The following GRK3 variants were observed in gnomAD, a reference collection of about 807,000 sequenced individuals.
The protein encoded by GRK3 is adrenergic, beta, receptor kinase 2.
A neutral mutation model predicts 95.7 loss-of-function variants in GRK3; 54 were observed. The ratio of observed to expected loss-of-function variants is 0.56; its 90% CI spans 0.45 to 0.71. The LOEUF is 0.71. Among genes scored for constraint, GRK3 ranks in the 30% least tolerant of loss-of-function variants. The pLI is 0.00. For synonymous variants in GRK3, 281 were observed against 290.8 expected, an observed-to-expected ratio of 0.97 and a Z score of 0.34; for missense variants, 649 against 851.2, an observed-to-expected ratio of 0.76 and a Z score of 2.96.
At chr22:25,711,799 C>CG (rs2085346134) in intron 17 of GRK3, among the ~76,000 whole-genome samples, 2 of 152,174 alleles carry the variant, frequency 1.3e-5, no homozygotes, top group African/African-American at 4.8e-5. Flanking sequence ...CCCCTGCCCC[C>CG]GGGCCTTCCC....
At chr22:25,668,670 G>A (rs973907439) in intron 6 of GRK3, among the ~76,000 whole-genome samples, 1 of 152,158 alleles carries the variant, frequency 6.6e-6, no homozygotes, top group Non-Finnish European at 1.5e-5. Flanking sequence ...GCCAAAAAGC[G>A]CCAGCATCAA....
rs371653971 is a variant in GRK3, at chr22:25,667,815, G to C, written c.503+15G>C. On this transcript the variant is annotated intron_variant, in intron 6 of 20. Coordinates refer to ENST00000324198, the MANE Select transcript of GRK3 (RefSeq NM_005160.4). ...TTTATGGAAAGGTATGAAACTTTAT[G>C]CATATATATACACAATTTTTTATCA... The C allele has an allele frequency of 6.6e-7, 1 of 1,525,880 alleles. No homozygotes were observed. Among genetic ancestry groups the C allele is most frequent in the Non-Finnish European group, 9.1e-7 (1 of 1,100,664 alleles). The allele number at this position is 1,525,880 out of a possible 1,614,324, so 94.5% of individuals were successfully genotyped here.
chr22:25,567,762 TC>T (rs1477800595), intron 1 of GRK3, among the ~76,000 whole-genome samples: 1 of 152,250 alleles, frequency 6.6e-6, no homozygotes, highest in Non-Finnish European at 1.5e-5. Flanking sequence ...CAGTCACTAT[TC>T]TTTGTGCTTC....
chr22:25,627,710 AGT>A (rs2084637775), intron 2 of GRK3, among the ~76,000 whole-genome samples: 1 of 152,258 alleles, frequency 6.6e-6, no homozygotes, highest in Non-Finnish European at 1.5e-5. Context: ...CCCACAGCCT[AGT>A]CAGGGAGACA....
Position 25,652,646 on chromosome 22 carries a change from T to C in GRK3, c.264+7981T>C, listed in dbSNP as rs866892473. Among the ~76,000 whole-genome samples the C allele has an allele frequency of 3.3e-5, 5 of 152,306 alleles. No homozygotes were observed. In the South Asian group the frequency reaches 8.3e-4, roughly 25 times the overall value. On this transcript the variant is annotated intron_variant, in intron 3 of 20. Coordinates refer to ENST00000324198, the MANE Select transcript of GRK3 (RefSeq NM_005160.4). ...CCATTGGATTGTAATCAGTCAGGGA[T>C]GTTTATTTTAATTTCTAAGATAATT...
intron 5 of GRK3, among the ~76,000 whole-genome samples, chr22:25,665,436 C>T (rs1413515802): frequency 6.6e-6 from 1 of 151,926 alleles, no homozygotes; most frequent in Non-Finnish European, 1.5e-5. Flanking sequence ...ACATAAATAA[C>T]ATTGAAAAAA....
chr22:25,578,332 G>A (rs41258254), intron 1 of GRK3, among the ~76,000 whole-genome samples: 1 of 152,066 alleles, frequency 6.6e-6, no homozygotes. Flanking sequence ...GGGCACCTTC[G>A]CTAACAAACT....
intron 20 of GRK3, 25 bp downstream of exon 20, chr22:25,721,422 G>C: frequency 7.9e-7 from 1 of 1,263,366 alleles, no homozygotes. Flanking sequence ...TTTCTTAGGT[G>C]AATGTTAGAA....
intron 3 of GRK3, among the ~76,000 whole-genome samples, chr22:25,644,918 A>G (rs1411184124): frequency 2.0e-5 from 3 of 152,152 alleles, no homozygotes; most frequent in Non-Finnish European, 4.4e-5. Flanking sequence ...AGTTCCAGAG[A>G]TGGGAGGCTC....
chr22:25,589,838 G>A (rs1353356988), intron 1 of GRK3, among the ~76,000 whole-genome samples: 1 of 152,210 alleles, frequency 6.6e-6, no homozygotes, highest in Non-Finnish European at 1.5e-5. Flanking sequence ...CAATCATGGT[G>A]GAAGGTGAAG....
At chr22:25,617,627 G>C (rs1307203457) in intron 2 of GRK3, among the ~76,000 whole-genome samples, 1 of 152,326 alleles carries the variant, frequency 6.6e-6, no homozygotes, top group African/African-American at 2.4e-5. Context: ...GGCAGCCACT[G>C]ATCTGCTTTC....
At chr22:25,624,340 G>T (rs531778330) in intron 2 of GRK3, among the ~76,000 whole-genome samples, 1 of 152,042 alleles carries the variant, frequency 6.6e-6, no homozygotes, top group Non-Finnish European at 1.5e-5. Context: ...GAGGCGGGCG[G>T]ATCACGAGGT....
At chr22:25,569,501 C>G (rs565621473) in intron 1 of GRK3, among the ~76,000 whole-genome samples, 9 of 152,184 alleles carry the variant, frequency 5.9e-5, no homozygotes, top group Non-Finnish European at 1.2e-4. Context: ...AGCTTTTACA[C>G]GCAATGGATT....
intron 2 of GRK3, among the ~76,000 whole-genome samples, chr22:25,638,636 A>G (rs1379075117): frequency 6.6e-6 from 1 of 152,194 alleles, no homozygotes; most frequent in Non-Finnish European, 1.5e-5. Context: ...CCATAGTAAT[A>G]GTGGGGGGAT....
chr22:25,687,463 CTATT>C, intron 10 of GRK3, 70 bp from the exon 11 acceptor site: 1 of 1,530,252 alleles, frequency 6.5e-7, no homozygotes, highest in East Asian at 2.3e-5. Context: ...TGAGTCCTGA[CTATT>C]TAGGATGACA....
chr22:25,596,860 G>A, intron 1 of GRK3, among the ~76,000 whole-genome samples: 1 of 152,182 alleles, frequency 6.6e-6, no homozygotes, highest in East Asian at 1.9e-4. Flanking sequence ...TTATTTTGTA[G>A]GCATTGAATC....
chr22:25,704,628 C>T (rs958747143), intron 15 of GRK3, among the ~76,000 whole-genome samples: 7 of 152,192 alleles, frequency 4.6e-5, no homozygotes, highest in African/African-American at 1.7e-4. Flanking sequence ...CCAGGCTGGT[C>T]TCAAACTCCT....
chr22:25,585,141 T>G (rs1222121655), intron 1 of GRK3, among the ~76,000 whole-genome samples: 3 of 152,284 alleles, frequency 2.0e-5, no homozygotes, highest in African/African-American at 7.2e-5. Context: ...CCTGCCTCGC[T>G]ATAGGGCCTT....
chr22:25,729,052 A>G lies in GRK3; in HGVS notation c.*6602A>G, dbSNP rs947796001. On this transcript the variant is annotated 3_prime_UTR_variant, in exon 21 of 21. Transcript: ENST00000324198. ...ACCTAGACAAAATATCATTGGTTCT[A>G]TCTCTTTTTGTATCTGTTGTGCCAG... 6.6e-6 allele frequency: 1 copy of G among 152,186 alleles called. No individual in the cohort carries two copies. Among genetic ancestry groups the G allele is most frequent in the Non-Finnish European group, 1.5e-5 (1 of 68,038 alleles). 9.4% of individuals were successfully genotyped at this position (152,186 alleles called of 1,614,324 possible).
Sources: allele counts gnomAD v4.1 joint callset (sites outside exome capture counted in the v4.1 genomes callset), GRCh38; gene constraint gnomAD v4.1.1; transcripts MANE v1.5; gene names NCBI Gene and HGNC (gene_info 2026-07-23, HGNC 2026-07-21).